Variants in THRAP3 observed in about 807,000 individuals in gnomAD.
THRAP3 encodes the protein thyroid hormone receptor-associated protein 3.
A neutral mutation model predicts 101.0 loss-of-function variants in THRAP3; 16 were observed. The observed-to-expected ratio is 0.16, with a 90% confidence interval of 0.11 to 0.24. The LOEUF (loss-of-function observed/expected upper bound fraction) is 0.24, where lower values mean the gene tolerates loss of function less well. Among genes scored for constraint, THRAP3 ranks in the 10% least tolerant of loss-of-function variants. The pLI is 1.00. For missense variants in THRAP3, 989 were observed against 1,202.7 expected (o/e 0.82, Z 2.63); for synonymous variants, 407 against 422.6 (o/e 0.96, Z 0.45).
chr1:36,277,967 T>C (rs533392925), intron 2 of THRAP3, among the ~76,000 whole-genome samples: 1 of 152,038 alleles, frequency 6.6e-6, no homozygotes, highest in South Asian at 2.1e-4. Flanking sequence ...TTAACCATGT[T>C]TGCTGGGCTG....
At chr1:36,249,177 C>G (rs1332930885) in intron 1 of THRAP3, among the ~76,000 whole-genome samples, 1 of 150,178 alleles carries the variant, frequency 6.7e-6, no homozygotes, top group Non-Finnish European at 1.5e-5. Flanking sequence ...GCCACCGCAC[C>G]CAGCCAGCAC....
chr1:36,252,041 G>A (rs1185805281), intron 1 of THRAP3, among the ~76,000 whole-genome samples: 1 of 152,172 alleles, frequency 6.6e-6, no homozygotes, highest in African/African-American at 2.4e-5. Flanking sequence ...GAGTTGCTGG[G>A]CATAAATATT....
intron 5 of THRAP3, among the ~76,000 whole-genome samples, chr1:36,290,976 T>TTTTATTGA (rs1645860900): frequency 6.6e-6 from 1 of 152,166 alleles, no homozygotes; most frequent in African/African-American, 2.4e-5. Flanking sequence ...TAGCTGATCT[T>TTTTATTGA]TTTATTGATT....
intron 1 of THRAP3, among the ~76,000 whole-genome samples, chr1:36,230,638 G>T (rs1458616017): frequency 6.6e-6 from 1 of 152,120 alleles, no homozygotes; most frequent in Non-Finnish European, 1.5e-5. Flanking sequence ...CTTTTGTAGT[G>T]TATTTTTCAG....
chr1:36,236,483 T>C (rs886661552), intron 1 of THRAP3, among the ~76,000 whole-genome samples: 4 of 151,938 alleles, frequency 2.6e-5, no homozygotes, highest in African/African-American at 9.7e-5. Flanking sequence ...TTTTCCTCCT[T>C]CCTTCTCCCC....
the THRAP3 span, among the ~76,000 whole-genome samples, chr1:36,217,915 C>T: frequency 4.6e-5 from 7 of 152,164 alleles, no homozygotes; most frequent in East Asian, 1.9e-4. Flanking sequence ...CCCTACAAAA[C>T]GCTACAATGG....
the THRAP3 span, among the ~76,000 whole-genome samples, chr1:36,209,580 G>A: frequency 1.3e-5 from 2 of 152,172 alleles, no homozygotes; most frequent in Non-Finnish European, 2.9e-5. Context: ...AGATAATAAA[G>A]TGCCTGTTTC....
intron 1 of THRAP3, among the ~76,000 whole-genome samples, chr1:36,256,239 T>C (rs568151640): frequency 4.9e-4 from 74 of 150,680 alleles, no homozygotes; most frequent in African/African-American, 1.7e-3. Context: ...TTATTATTAC[T>C]TTTTGAGATG....
chr1:36,286,310 T>C lies in THRAP3; in HGVS notation c.138-58T>C. 6.7e-7 allele frequency: 1 copy of C among 1,497,988 alleles called. No individual in the cohort carries two copies. Among genetic ancestry groups the C allele is most frequent in the African/African-American group, 1.4e-5 (1 of 71,354 alleles). 92.8% of individuals were successfully genotyped at this position (1,497,988 alleles called of 1,614,324 possible). A position where few individuals can be genotyped will look rare whatever the true frequency, so the allele number is the denominator to read the frequency against. On this transcript the variant is annotated intron_variant, in intron 3 of 11. Transcript: ENST00000354618. The surrounding 1 kb of genome is among the most constrained non-coding windows in gnomAD (Gnocchi z 5.5). ...CAGGGATTTCAGAACAGATTTTTCT[T>C]GAATAAAAATGCTTGTGTCAAAAAT...
At chr1:36,295,231 A>G (rs1645930032) in intron 8 of THRAP3, among the ~76,000 whole-genome samples, 2 of 152,036 alleles carry the variant, frequency 1.3e-5, no homozygotes, top group African/African-American at 2.4e-5. Context: ...CTCAAAAAAA[A>G]AAAAGGAAAA....
intron 6 of THRAP3, 51 bp from the exon 7 acceptor site, chr1:36,292,547 G>A (rs1300122876): frequency 2.7e-6 from 4 of 1,468,894 alleles, no homozygotes; most frequent in Non-Finnish European, 3.8e-6. Flanking sequence ...TGGGATTATA[G>A]GCTTGAGCCA....
chr1:36,250,979 T>A (rs946731642), intron 1 of THRAP3, among the ~76,000 whole-genome samples: 1 of 151,490 alleles, frequency 6.6e-6, no homozygotes, highest in African/African-American at 2.4e-5. Context: ...ACTCCTAAGC[T>A]CAAGTGATCC....
At chr1:36,234,509 C>T (rs1041840810) in intron 1 of THRAP3, among the ~76,000 whole-genome samples, 3 of 151,886 alleles carry the variant, frequency 2.0e-5, no homozygotes, top group African/African-American at 4.8e-5. Flanking sequence ...TATGGTATGT[C>T]GTATGTATAT....
At chr1:36,253,379 G>A (rs1645332344) in intron 1 of THRAP3, among the ~76,000 whole-genome samples, 2 of 152,134 alleles carry the variant, frequency 1.3e-5, no homozygotes, top group Non-Finnish European at 2.9e-5. Context: ...GTTTACACAT[G>A]CATTAAGGTT....
At chr1:36,279,512 C>T (rs992951226) in intron 2 of THRAP3, among the ~76,000 whole-genome samples, 1 of 152,208 alleles carries the variant, frequency 6.6e-6, no homozygotes, top group Admixed American at 6.5e-5. Flanking sequence ...ATAACTTACT[C>T]CTTTATTCTG....
chr1:36,222,886 T>C (rs1644912947), upstream of THRAP3, among the ~76,000 whole-genome samples: 4 of 152,030 alleles, frequency 2.6e-5, no homozygotes, highest in South Asian at 8.3e-4. Context: ...CCCAGCACTT[T>C]GGAAGGCCGA....
upstream of THRAP3, among the ~76,000 whole-genome samples, chr1:36,221,686 C>T (rs922269829): frequency 1.3e-5 from 2 of 152,174 alleles, no homozygotes; most frequent in African/African-American, 2.4e-5. Flanking sequence ...TGGGTTCAAG[C>T]GATTCTCGTG....
chr1:36,269,777 CTATGT>C (rs1473769177), intron 2 of THRAP3, among the ~76,000 whole-genome samples: 2 of 151,940 alleles, frequency 1.3e-5, no homozygotes, highest in African/African-American at 4.8e-5. Context: ...CAGGGTCTCA[CTATGT>C]TGCCCAGGCT....
the THRAP3 span, among the ~76,000 whole-genome samples, chr1:36,209,955 G>A: frequency 6.6e-6 from 1 of 152,236 alleles, no homozygotes; most frequent in Non-Finnish European, 1.5e-5. Flanking sequence ...TTCCACAGGT[G>A]GAGGTAGAGA....
Sources: allele counts gnomAD v4.1 joint callset (sites outside exome capture counted in the v4.1 genomes callset), GRCh38; gene constraint gnomAD v4.1.1; non-coding constraint Gnocchi (gnomAD v3.1); transcripts MANE v1.5; gene names NCBI Gene and HGNC (gene_info 2026-07-23, HGNC 2026-07-21).